The following OSBPL10 variants were observed in gnomAD, a reference collection of about 807,000 sequenced individuals.
OSBPL10 encodes the protein oxysterol-binding protein-related protein 10.
In OSBPL10, 49 loss-of-function variants were observed where a neutral mutation model predicts 81.7. That is an observed-to-expected ratio of 0.60 (90% CI 0.48 to 0.76). The LOEUF (loss-of-function observed/expected upper bound fraction) is 0.76. Among genes scored for constraint, OSBPL10 ranks in the 30% least tolerant of loss-of-function variants. OSBPL10 has a pLI of 0.00. For synonymous variants in OSBPL10, 419 were observed against 383.6 expected (o/e 1.09, Z -1.08); for missense variants, 923 against 987.8 (o/e 0.93, Z 0.88).
At chr3:31,766,177 G>C (rs1183261972) in intron 4 of OSBPL10, among the ~76,000 whole-genome samples, 1 of 151,954 alleles carries the variant, frequency 6.6e-6, no homozygotes, top group Non-Finnish European at 1.5e-5. Context: ...TTGGCTCTGG[G>C]TCACATGCCT....
chr3:31,682,097 T>A (rs1017603163), intron 8 of OSBPL10, among the ~76,000 whole-genome samples: 3 of 152,116 alleles, frequency 2.0e-5, no homozygotes, highest in African/African-American at 7.2e-5. Context: ...CCTATCCAGA[T>A]CCTTACTACT....
intron 2 of OSBPL10, among the ~76,000 whole-genome samples, chr3:31,987,389 C>T (rs146142161): frequency 6.6e-6 from 1 of 152,282 alleles, no homozygotes; most frequent in Non-Finnish European, 1.5e-5. Flanking sequence ...CAAGCTTTTG[C>T]TATTGTGAGA....
Position 31,748,012 on chromosome 3 carries a change from C to A in OSBPL10, c.838G>T (p.Ala280Ser). The change falls in exon 5 of 12, where the codon GCT becomes TCT. Residue 280 changes from alanine (A) to serine (S), a missense_variant. Ala to Ser is a moderately conservative substitution (Grantham distance 99, BLOSUM62 1). Around this residue, in one of 3 missense-constraint regions of OSBPL10, gnomAD observed 514 missense variants for 508.0 expected, o/e 1.01. Transcript: ENST00000396556. ...ALDQDLLLLK[A>S]TSAATLSCLG... is the part of the protein sequence containing the mutation. ...CAGCTGAGGGTGGCAGCAGAGGTAGCTTTCAGGAGCAGCAGGTCCTGGTCC... is the reference window on the plus strand; with the variant it reads ...CAGCTGAGGGTGGCAGCAGAGGTAGATTTCAGGAGCAGCAGGTCCTGGTCC... 1.9e-6 allele frequency: 3 copies of A among 1,614,176 alleles called. No individual in the cohort carries two copies. Among genetic ancestry groups the A allele is most frequent in the Non-Finnish European group, 2.5e-6 (3 of 1,180,030 alleles).
chr3:32,039,574 G>A (rs904265828), intron 2 of OSBPL10, among the ~76,000 whole-genome samples: 14 of 151,728 alleles, frequency 9.2e-5, no homozygotes, highest in East Asian at 1.9e-4. Context: ...CAGGAGAATC[G>A]CTTGAACCTG....
intron 2 of OSBPL10, among the ~76,000 whole-genome samples, chr3:32,014,904 C>A (rs1699299644): frequency 6.6e-6 from 1 of 152,124 alleles, no homozygotes; most frequent in South Asian, 2.1e-4. Context: ...TGAAGGACCT[C>A]TTCAAGGAGA....
intron 2 of OSBPL10, among the ~76,000 whole-genome samples, chr3:31,987,989 C>A (rs1218996083): frequency 1.3e-5 from 2 of 152,162 alleles, no homozygotes; most frequent in African/African-American, 4.8e-5. Context: ...ATTAAGAGGG[C>A]AAAACCAAGG....
chr3:31,742,619 G>A (rs1009253248), intron 5 of OSBPL10, among the ~76,000 whole-genome samples: 1 of 152,156 alleles, frequency 6.6e-6, no homozygotes, highest in Non-Finnish European at 1.5e-5. Context: ...CTGTTAATGT[G>A]CAGCTCTTAC....
chr3:31,989,232 C>T (rs1348763504), intron 2 of OSBPL10: 1 of 1,614,132 alleles, frequency 6.2e-7, no homozygotes, highest in Admixed American at 1.7e-5. Context: ...TATACAGGGC[C>T]ATGATGTTGG....
At chr3:32,051,843 G>A (rs1364788331) in intron 1 of OSBPL10, among the ~76,000 whole-genome samples, 1 of 152,040 alleles carries the variant, frequency 6.6e-6, no homozygotes, top group African/African-American at 2.4e-5. Flanking sequence ...TAATTAACTG[G>A]CTTAAAAATA....
intron 1 of OSBPL10, chr3:31,960,196 G>C (rs1336981009): frequency 6.6e-6 from 1 of 152,114 alleles, no homozygotes; most frequent in Non-Finnish European, 1.5e-5. Flanking sequence ...CTGGCAGATA[G>C]GGAGTCTCAG....
At chr3:31,942,280 A>C (rs911503464) in intron 1 of OSBPL10, among the ~76,000 whole-genome samples, 2 of 151,520 alleles carry the variant, frequency 1.3e-5, no homozygotes, top group African/African-American at 4.9e-5. Context: ...GGCTGAGCGC[A>C]GTGGCTCACG....
chr3:31,822,589 G>T lies in OSBPL10; in HGVS notation c.729+7451C>A, dbSNP rs139776687. ...GTCTATTGAAGTAAGTGTGAGCCGC[G>T]TTAAAAACTATTGTAATAACTAGAC... is the stretch of plus-strand genomic sequence containing the variant. On this transcript the variant is annotated intron_variant, in intron 4 of 11. Coordinates refer to ENST00000396556, the MANE Select transcript of OSBPL10 (RefSeq NM_017784.5). Among the ~76,000 whole-genome samples, 757 of 152,070 alleles carry T rather than the reference G, an allele frequency of 5.0e-3. 5 individuals are homozygous for T. Among genetic ancestry groups the T allele is most frequent in the Non-Finnish European group, 8.0e-3 (545 of 68,000 alleles).
At chr3:31,834,085 A>G (rs1700315784) in intron 3 of OSBPL10, among the ~76,000 whole-genome samples, 1 of 152,220 alleles carries the variant, frequency 6.6e-6, no homozygotes, top group Non-Finnish European at 1.5e-5. Flanking sequence ...CAGTCATTAC[A>G]AGAACAAGTG....
chr3:31,960,583 A>G (rs1416029271), intron 1 of OSBPL10, among the ~76,000 whole-genome samples: 1 of 152,226 alleles, frequency 6.6e-6, no homozygotes, highest in African/African-American at 2.4e-5. Flanking sequence ...GCTAGTTTAC[A>G]TAACACAGGC....
chr3:31,815,194 A>G (rs1699808663), intron 4 of OSBPL10, among the ~76,000 whole-genome samples: 1 of 20,648 alleles, frequency 4.8e-5, no homozygotes, highest in Non-Finnish European at 1.3e-4. Flanking sequence ...CAACATGAAC[A>G]CCGAGAGATG....
intron 4 of OSBPL10, among the ~76,000 whole-genome samples, chr3:31,809,287 C>G (rs1174405581): frequency 6.6e-6 from 1 of 152,140 alleles, no homozygotes. Context: ...AATAGCCTCC[C>G]TATTTACAAG....
At chr3:31,742,133 A>G (rs1697371286) in intron 5 of OSBPL10, among the ~76,000 whole-genome samples, 1 of 152,254 alleles carries the variant, frequency 6.6e-6, no homozygotes, top group Non-Finnish European at 1.5e-5. Context: ...AAGCTTCACC[A>G]AAAGCAGTAG....
At chr3:31,938,715 G>A (rs975436455) in intron 1 of OSBPL10, among the ~76,000 whole-genome samples, 1 of 151,928 alleles carries the variant, frequency 6.6e-6, no homozygotes, top group Non-Finnish European at 1.5e-5. Flanking sequence ...GGCTGGTCTC[G>A]AACTCCTAGG....
intron 2 of OSBPL10, chr3:31,879,442 C>G (rs1559502793): frequency 1.8e-6 from 1 of 540,772 alleles, no homozygotes; most frequent in East Asian, 3.2e-5. Context: ...TTCCTTTGTC[C>G]TTAATTCCTC....
Sources: gnomAD v4.1 joint callset for allele counts (sites outside exome capture counted in the v4.1 genomes callset) on GRCh38, gnomAD v4.1.1 for gene constraint, gnomAD v4.1.1 regional missense constraint, MANE v1.5 for transcripts, NCBI Gene and HGNC (gene_info 2026-07-23, HGNC 2026-07-21) for gene names.